PPARGC1A: variants seen among roughly 807,000 people sequenced by gnomAD.
The protein encoded by PPARGC1A is PPARG coactivator 1 alpha, also known as peroxisome proliferator-activated receptor gamma coactivator 1-alpha.
PPARGC1A carries 25 observed loss-of-function variants against 88.7 expected under a neutral mutation model. The ratio of observed to expected loss-of-function variants is 0.28; its 90% confidence interval spans 0.21 to 0.39. PPARGC1A has a LOEUF of 0.39. Ranked by LOEUF, PPARGC1A falls within the 10% of genes least tolerant of loss-of-function variation. The probability of loss-of-function intolerance (pLI) is 1.00; values close to 1 mark genes in which losing one functional copy is unlikely to be tolerated. For synonymous variants in PPARGC1A, 363 were observed against 355.6 expected (o/e 1.02, Z -0.24); for missense variants, 880 against 968.7 (o/e 0.91, Z 1.22).
At chr4:24,153,052 GTAA>G in the PPARGC1A span, among the ~76,000 whole-genome samples, 1 of 152,182 alleles carries the variant, frequency 6.6e-6, no homozygotes, top group Non-Finnish European at 1.5e-5. Context: ...GTTAGCAACA[GTAA>G]TAATAGCACT....
intron 1 of PPARGC1A, chr4:23,888,870 C>G (rs952288321): frequency 8.7e-6 from 8 of 923,950 alleles, no homozygotes; most frequent in African/African-American, 5.4e-5. Flanking sequence ...AGGAAACACT[C>G]GCAGTCTTTT....
chr4:23,816,763 A>T (rs2109503282), intron 7 of PPARGC1A, among the ~76,000 whole-genome samples: 1 of 152,292 alleles, frequency 6.6e-6, no homozygotes. Context: ...TTAGTAATTT[A>T]CTGTCAGGAT....
the PPARGC1A span, among the ~76,000 whole-genome samples, chr4:24,331,052 T>C: frequency 6.6e-6 from 1 of 152,300 alleles, no homozygotes; most frequent in Admixed American, 6.5e-5. Context: ...TTCATTGTTC[T>C]AGTAATATTC....
chr4:24,233,192 T>C, the PPARGC1A span, among the ~76,000 whole-genome samples: 7 of 152,266 alleles, frequency 4.6e-5, no homozygotes, highest in East Asian at 1.3e-3. Flanking sequence ...TAAAATGAGA[T>C]TTGAGAATTT....
At chr4:23,857,657 T>C (rs1730446264) in intron 2 of PPARGC1A, among the ~76,000 whole-genome samples, 1 of 151,680 alleles carries the variant, frequency 6.6e-6, no homozygotes, top group Non-Finnish European at 1.5e-5. Context: ...GACTGCCCAG[T>C]AGATTTGTAA....
the PPARGC1A span, among the ~76,000 whole-genome samples, chr4:24,073,689 C>A: frequency 1.3e-5 from 2 of 152,156 alleles, no homozygotes; most frequent in Non-Finnish European, 2.9e-5. Context: ...ACTACTATCA[C>A]CATTTTACAG....
the PPARGC1A span, among the ~76,000 whole-genome samples, chr4:24,358,834 T>C: frequency 3.9e-4 from 59 of 152,340 alleles, no homozygotes; most frequent in African/African-American, 1.2e-3. Flanking sequence ...CAGTGAACCC[T>C]GAGCGTGGCA....
chr4:24,328,222 A>G, the PPARGC1A span, among the ~76,000 whole-genome samples: 3 of 138,010 alleles, frequency 2.2e-5, no homozygotes, highest in African/African-American at 8.0e-5. Flanking sequence ...ACTGAAGGCC[A>G]CCCCCTCCCC....
the PPARGC1A span, among the ~76,000 whole-genome samples, chr4:24,277,881 A>G: frequency 1.3e-5 from 2 of 152,100 alleles, no homozygotes; most frequent in African/African-American, 2.4e-5. Flanking sequence ...TCTCTAAAAG[A>G]AGGATAATAA....
the PPARGC1A span, among the ~76,000 whole-genome samples, chr4:23,922,351 T>C: frequency 6.6e-6 from 1 of 152,162 alleles, no homozygotes; most frequent in Non-Finnish European, 1.5e-5. Context: ...CTTGCCAAAA[T>C]ATGCAGGTAC....
the PPARGC1A span, among the ~76,000 whole-genome samples, chr4:23,955,642 TTATTAAC>T: frequency 3.3e-5 from 5 of 152,104 alleles, no homozygotes; most frequent in Non-Finnish European, 7.4e-5. Context: ...ACACGATCAT[TTATTAAC>T]TATTGAGTAA....
the PPARGC1A span, among the ~76,000 whole-genome samples, chr4:24,175,533 C>G: frequency 7.0e-6 from 1 of 142,800 alleles, no homozygotes; most frequent in East Asian, 2.1e-4. Flanking sequence ...CACCACCACA[C>G]CAAGCTTTTT....
At chr4:24,098,878 T>C in the PPARGC1A span, among the ~76,000 whole-genome samples, 1 of 152,206 alleles carries the variant, frequency 6.6e-6, no homozygotes, top group African/African-American at 2.4e-5. Context: ...AACCTCAATT[T>C]TTCTGTACAT....
chr4:24,140,467 A>C, the PPARGC1A span, among the ~76,000 whole-genome samples: 1 of 152,130 alleles, frequency 6.6e-6, no homozygotes, highest in African/African-American at 2.4e-5. Context: ...CTACATTGAA[A>C]ACTTTCTGAA....
At chr4:24,391,709 T>C in the PPARGC1A span, among the ~76,000 whole-genome samples, 84 of 152,292 alleles carry the variant, frequency 5.5e-4, 1 homozygote, top group South Asian at 2.1e-3. Context: ...AAAAGACTTA[T>C]TAGAATACAG....
At chr4:24,443,646 C>G in the PPARGC1A span, among the ~76,000 whole-genome samples, 2 of 152,026 alleles carry the variant, frequency 1.3e-5, no homozygotes, top group African/African-American at 4.8e-5. Context: ...ACTTCTGCCT[C>G]CTGGGTTCAA....
At chr4:24,173,147 C>T in the PPARGC1A span, among the ~76,000 whole-genome samples, 1 of 152,016 alleles carries the variant, frequency 6.6e-6, no homozygotes, top group Non-Finnish European at 1.5e-5. Flanking sequence ...TTGAGGTACC[C>T]AGACAGAGGG....
the PPARGC1A span, among the ~76,000 whole-genome samples, chr4:23,952,574 T>A: frequency 5.9e-4 from 90 of 152,258 alleles, 1 homozygote; most frequent in Admixed American, 5.7e-3. Context: ...TCCTCTTTTT[T>A]ACCTTTGGCC....
At chr4:23,864,647 A>C (rs1157711798) in intron 2 of PPARGC1A, among the ~76,000 whole-genome samples, 1 of 152,218 alleles carries the variant, frequency 6.6e-6, no homozygotes, top group Admixed American at 6.5e-5. Context: ...GGACAGATAG[A>C]GACAATGACC....
Sources: allele counts gnomAD v4.1 joint callset (sites outside exome capture counted in the v4.1 genomes callset), GRCh38; gene constraint gnomAD v4.1.1; transcripts MANE v1.5; gene names NCBI Gene and HGNC (gene_info 2026-07-23, HGNC 2026-07-21).